The following GFM1 variants were observed in gnomAD, a reference collection of about 807,000 sequenced individuals.
The protein encoded by GFM1 is elongation factor G, mitochondrial.
GFM1 carries 62 observed loss-of-function variants against 96.2 expected under a neutral mutation model. The observed-to-expected ratio is 0.64, with a 90% CI of 0.53 to 0.80. The LOEUF (loss-of-function observed/expected upper bound fraction) is 0.80, where lower values mean the gene tolerates loss of function less well. Ranked by LOEUF, GFM1 falls within the 30% of genes least tolerant of loss-of-function variation. The pLI is 0.00. For missense variants in GFM1, 852 were observed against 916.6 expected (o/e 0.93, Z 0.91); for synonymous variants, 282 against 312.9 (o/e 0.90, Z 1.04).
intron 12 of GFM1, 32 bp from the exon 13 acceptor site, chr3:158,666,272 A>T (rs779844896): frequency 2.6e-6 from 4 of 1,519,918 alleles, no homozygotes; most frequent in Non-Finnish European, 3.6e-6. Flanking sequence ...TATTTTTTTA[A>T]ATTTAAATAA....
At chr3:158,651,410 A>G (rs930122694) in intron 5 of GFM1, among the ~76,000 whole-genome samples, 1 of 152,236 alleles carries the variant, frequency 6.6e-6, no homozygotes, top group East Asian at 1.9e-4. Flanking sequence ...TCTGTTTACT[A>G]GTAGGACAGC....
chr3:158,685,921 C>G (rs1238580406), intron 15 of GFM1, among the ~76,000 whole-genome samples: 1 of 151,964 alleles, frequency 6.6e-6, no homozygotes, highest in Non-Finnish European at 1.5e-5. Context: ...ACAGTTAAAA[C>G]AAATTAGAAA....
At chr3:158,679,526 A>T (rs975560840) in intron 13 of GFM1, among the ~76,000 whole-genome samples, 1 of 152,200 alleles carries the variant, frequency 6.6e-6, no homozygotes, top group African/African-American at 2.4e-5. Context: ...AGCATTTCTC[A>T]TCTTTTCTAG....
intron 15 of GFM1, among the ~76,000 whole-genome samples, chr3:158,687,339 T>C (rs1725944116): frequency 1.3e-5 from 2 of 152,022 alleles, no homozygotes; most frequent in African/African-American, 2.4e-5. Context: ...CAAAATATAC[T>C]ATGCACACAA....
intron 13 of GFM1, among the ~76,000 whole-genome samples, chr3:158,676,952 G>A (rs953518579): frequency 3.3e-5 from 5 of 152,062 alleles, no homozygotes; most frequent in Non-Finnish European, 7.4e-5. Flanking sequence ...CACCCGCCTC[G>A]GCTTCCCAAA....
At position 158,682,160 on chromosome 3, in the gene GFM1, A is replaced by C; in HGVS notation, c.1764+3A>C. 1 of 1,610,856 alleles carries C rather than the reference A, an allele frequency of 6.2e-7. No homozygotes were observed. The highest frequency in any genetic ancestry group is 8.5e-7 in the Non-Finnish European group (1 of 1,177,964). On this transcript the variant is annotated splice_donor_region_variant and intron_variant, in intron 14 of 17. Coordinates refer to ENST00000486715, the MANE Select transcript of GFM1 (RefSeq NM_024996.7). ...AGTTTGTGCCTGCTGTAGAAAAGGT[A>C]AATTTTTAAAAAAGTGTTTTTGCAT...
chr3:158,685,406 A>T (rs566673850), intron 15 of GFM1: 1 of 152,226 alleles, frequency 6.6e-6, no homozygotes, highest in Non-Finnish European at 1.5e-5. Context: ...AGTAATGTCC[A>T]CCGGTGTCTT....
In GFM1 at chr3:158,652,143, C is replaced by A. The variant is rs201621454; in HGVS notation, c.737C>A (p.Ala246Asp). The A allele has an allele frequency of 6.2e-7, 1 of 1,613,482 alleles. No homozygotes were observed. Among genetic ancestry groups the A allele is most frequent in the African/African-American group, 1.3e-5 (1 of 74,978 alleles). Residue 246 changes from alanine (A) to aspartate (D), a missense_variant, in exon 6 of 18, where the codon GCC becomes GAC. Physicochemically the swap from Ala to Asp is moderately radical, Grantham distance 126 (BLOSUM62 -2). Transcript: ENST00000486715. ...ATTCCAGCTGAATTAAGGGCGGCGG[C>A]CACTGACCACCGGCAGGAGCTAATT... Reference protein sequence around the residue: ...GEIPAELRAAATDHRQELIEC... With the variant: ...GEIPAELRAADTDHRQELIEC...
chr3:158,670,136 G>A (rs1724138885), intron 13 of GFM1, among the ~76,000 whole-genome samples: 2 of 152,192 alleles, frequency 1.3e-5, no homozygotes, highest in African/African-American at 4.8e-5. Context: ...ATGCTCAACA[G>A]AAAGGCAAGC....
rs1726499899 is a variant in GFM1, at chr3:158,695,240, G to A, written c.*3773G>A. On this transcript the variant is annotated 3_prime_UTR_variant, in exon 18 of 18. Coordinates refer to ENST00000486715, the MANE Select transcript of GFM1 (RefSeq NM_024996.7). The stretch of plus-strand genomic sequence containing the variant: ...AATACAAAAATCGTCCGGGCGGGGT[G>A]GCTCACGCCTGTAGCCCCAGCTGCT... 1 of 152,160 alleles carries A rather than the reference G, an allele frequency of 6.6e-6. No individual in the cohort carries two copies. The highest frequency in any genetic ancestry group is 1.5e-5 in the Non-Finnish European group (1 of 68,078). 9.4% of individuals were successfully genotyped at this position (152,160 alleles called of 1,614,324 possible).
chr3:158,679,783 A>G (rs1303851332), intron 13 of GFM1, among the ~76,000 whole-genome samples: 1 of 152,194 alleles, frequency 6.6e-6, no homozygotes, highest in Non-Finnish European at 1.5e-5. Flanking sequence ...TTTTGCTGAT[A>G]ATGAAATTTT....
rs747481580 is a variant in GFM1 at position 158,666,720 on chromosome 3, C to T, written c.1601+334C>T. On this transcript the variant is annotated intron_variant, in intron 13 of 17. Transcript: ENST00000486715. ...GTGCCGTATTGTGGATGCCAGAGAA[C>T]TTGCATTTGCCAGGGAATAATCTCC... 4.2e-5 allele frequency: 68 copies of T among 1,613,852 alleles called. No individual in the cohort carries two copies. In the East Asian group the frequency reaches 1.5e-3, roughly 35 times the overall value.
Position 158,673,508 on chromosome 3 carries a change from C to CTTTTT in GFM1, c.1601+7138_1601+7142dup, listed in dbSNP as rs766011688. ...TTGAGACCTTTTTTTCTTTTCTTTT[C>CTTTTT]TTTTTTTTTTTTTTTTTTTTGAGAT... On this transcript the variant is annotated intron_variant, in intron 13 of 17. Transcript: ENST00000486715. 7.2e-3 allele frequency among the ~76,000 whole-genome samples: 823 copies of CTTTTT among 113,860 alleles called. 5 individuals are homozygous for CTTTTT. The highest frequency in any genetic ancestry group is 9.4e-3 in the East Asian group (39 of 4,160). The allele number at this position is 113,860 out of a possible 152,430, so 74.7% of individuals were successfully genotyped here. A position where few individuals can be genotyped will look rare whatever the true frequency, so the allele number is the denominator to read the frequency against.
intron 13 of GFM1, among the ~76,000 whole-genome samples, chr3:158,678,446 G>A (rs1560142169): frequency 6.6e-6 from 1 of 152,164 alleles, no homozygotes; most frequent in Non-Finnish European, 1.5e-5. Context: ...AACATTACCA[G>A]GAGTTTGGAA....
At chr3:158,660,583 G>T in intron 9 of GFM1, 1 of 388,422 alleles carries the variant, frequency 2.6e-6, no homozygotes, top group Non-Finnish European at 4.8e-6. Context: ...AATAACTTTA[G>T]AACCTTGAGG....
chr3:158,644,562 C>T lies in GFM1; in HGVS notation c.-73C>T, dbSNP rs116614958. On this transcript the variant is annotated 5_prime_UTR_variant, in exon 1 of 18. Transcript: ENST00000486715. The stretch of plus-strand genomic sequence containing the variant: ...CATTGGCTGCCGGCGTGACTTTGAC[C>T]GCTTCCCGGTGCGTTACCGGCAGCT... The T allele has an allele frequency of 2.8e-3, 3,588 of 1,280,288 alleles. 80 individuals carry two copies. In the African/African-American group the frequency reaches 0.044, roughly 16 times the overall value. The allele number at this position is 1,280,288 out of a possible 1,614,324, so 79.3% of individuals were successfully genotyped here.
intron 8 of GFM1, chr3:158,657,633 C>A (rs918563185): frequency 6.6e-6 from 1 of 151,764 alleles, no homozygotes; most frequent in African/African-American, 2.4e-5. Flanking sequence ...TATTTACTTT[C>A]GTTCCTTCTA....
At chr3:158,673,353 A>G (rs1468838779) in intron 13 of GFM1, among the ~76,000 whole-genome samples, 1 of 152,138 alleles carries the variant, frequency 6.6e-6, no homozygotes, top group African/African-American at 2.4e-5. Flanking sequence ...TATGTGGTCT[A>G]CCTCATTGCA....
chr3:158,660,850 A>G, intron 9 of GFM1, 24 bp from the exon 10 acceptor site: 1 of 1,585,208 alleles, frequency 6.3e-7, no homozygotes. Flanking sequence ...TGCAAATATA[A>G]TTTTGTGTTA....
Sources: allele counts gnomAD v4.1 joint callset (sites outside exome capture counted in the v4.1 genomes callset), GRCh38; gene constraint gnomAD v4.1.1; transcripts MANE v1.5; gene names NCBI Gene and HGNC (gene_info 2026-07-23, HGNC 2026-07-21).